The following PTPRT variants were observed in gnomAD, a reference collection of about 807,000 sequenced individuals.
PTPRT encodes receptor-type tyrosine-protein phosphatase T.
PTPRT carries 56 observed loss-of-function variants against 176.8 expected under a neutral mutation model. The ratio of observed to expected loss-of-function variants is 0.32; its 90% CI spans 0.26 to 0.40. The LOEUF (loss-of-function observed/expected upper bound fraction) is 0.40, where lower values mean the gene tolerates loss of function less well. PTPRT is among the 10% of genes least tolerant of loss of function. The pLI, the probability that PTPRT is intolerant of heterozygous loss-of-function variation, is 1.00. For missense variants in PTPRT, 1,540 were observed against 1,908.2 expected (o/e 0.81, Z 3.60); for synonymous variants, 783 against 739.0 (o/e 1.06, Z -0.96).
At chr20:42,377,339 G>A (rs1317288652) in intron 9 of PTPRT, among the ~76,000 whole-genome samples, 1 of 152,166 alleles carries the variant, frequency 6.6e-6, no homozygotes, top group African/African-American at 2.4e-5. Context: ...TTTATTCCTA[G>A]AAGGTAAAGA....
chr20:42,679,776 T>C (rs575670489), intron 6 of PTPRT, among the ~76,000 whole-genome samples: 4 of 152,282 alleles, frequency 2.6e-5, no homozygotes, highest in African/African-American at 9.6e-5. Flanking sequence ...TGCATAACAA[T>C]CCATCAGGTT....
intron 11 of PTPRT, among the ~76,000 whole-genome samples, chr20:42,319,962 G>A (rs538238746): frequency 6.6e-6 from 1 of 151,940 alleles, no homozygotes; most frequent in Non-Finnish European, 1.5e-5. Flanking sequence ...CATGAGAGAA[G>A]AATAACCTAA....
intron 1 of PTPRT, among the ~76,000 whole-genome samples, chr20:43,016,859 A>G (rs568434735): frequency 6.6e-6 from 1 of 151,138 alleles, no homozygotes; most frequent in Admixed American, 6.6e-5. Flanking sequence ...ATCTCCTTTT[A>G]TGTTTCTCTC....
chr20:42,708,824 T>C (rs1390792358), intron 6 of PTPRT, among the ~76,000 whole-genome samples: 2 of 152,222 alleles, frequency 1.3e-5, no homozygotes, highest in Non-Finnish European at 1.5e-5. Flanking sequence ...AGTTTCAGTT[T>C]TACAACACCT....
chr20:42,596,338 CT>C lies in PTPRT; in HGVS notation c.1153+81527del, dbSNP rs547056144. ...TATCTCCTGGCTCAGATCCCTCCAT[CT>C]TTGCAGTTCCTAACGTATTAATAGT... On this transcript the variant is annotated intron_variant, in intron 7 of 30. Transcript: ENST00000373187. Among the ~76,000 whole-genome samples, 31 of 152,350 alleles carry C rather than the reference CT, an allele frequency of 2.0e-4. No individual in the cohort carries two copies. In the South Asian group the frequency reaches 5.8e-3, roughly 28 times the overall value.
At chr20:42,953,568 C>CA (rs1981402225) in intron 1 of PTPRT, among the ~76,000 whole-genome samples, 1 of 152,138 alleles carries the variant, frequency 6.6e-6, no homozygotes, top group Admixed American at 6.5e-5. Flanking sequence ...TTCTCACTTC[C>CA]ACCTGCAGTT....
chr20:42,206,521 G>C (rs1342505452), intron 15 of PTPRT, among the ~76,000 whole-genome samples: 1 of 152,174 alleles, frequency 6.6e-6, no homozygotes, highest in East Asian at 1.9e-4. Flanking sequence ...AAGGGGTGAC[G>C]GACGGCACCT....
intron 2 of PTPRT, among the ~76,000 whole-genome samples, chr20:42,820,797 A>C (rs1446021918): frequency 6.6e-6 from 1 of 152,202 alleles, no homozygotes; most frequent in African/African-American, 2.4e-5. Context: ...TCACGTAAAT[A>C]AACTAGAAAA....
chr20:42,578,305 A>T (rs566923440), intron 7 of PTPRT, among the ~76,000 whole-genome samples: 46 of 152,250 alleles, frequency 3.0e-4, no homozygotes, highest in African/African-American at 9.9e-4. Flanking sequence ...AGTGCAGGGT[A>T]AATGGAGAAA....
chr20:42,623,822 A>G (rs2074242822), intron 7 of PTPRT, among the ~76,000 whole-genome samples: 2 of 151,556 alleles, frequency 1.3e-5, no homozygotes, highest in African/African-American at 2.4e-5. Context: ...CTCTTCTCTC[A>G]GGCTAACCTT....
intron 13 of PTPRT, among the ~76,000 whole-genome samples, chr20:42,272,352 T>C (rs6065453): frequency 0.17 from 25,283 of 152,104 alleles, 2,290 homozygotes; most frequent in Non-Finnish European, 0.19. Context: ...ATTTACTATC[T>C]GTCCTTTTAC....
chr20:42,188,839 G>A (rs1311145310), intron 16 of PTPRT, among the ~76,000 whole-genome samples: 2 of 152,204 alleles, frequency 1.3e-5, no homozygotes, highest in Non-Finnish European at 2.9e-5. Context: ...CTTCAGCCTT[G>A]TAACTTTACT....
chr20:42,169,743 AACACACACAC>A (rs56329932), intron 16 of PTPRT, among the ~76,000 whole-genome samples: 40 of 104,630 alleles, frequency 3.8e-4, no homozygotes, highest in South Asian at 3.8e-3. Flanking sequence ...ACAATTTTCA[AACACACACAC>A]ACACACACAC....
At chr20:42,342,308 C>T (rs2058123675) in intron 11 of PTPRT, among the ~76,000 whole-genome samples, 1 of 152,170 alleles carries the variant, frequency 6.6e-6, no homozygotes, top group African/African-American at 2.4e-5. Flanking sequence ...TCTGGCTTCT[C>T]CTATTTCCCA....
At chr20:43,061,073 TG>T (rs1173969119) in intron 1 of PTPRT, among the ~76,000 whole-genome samples, 8 of 144,782 alleles carry the variant, frequency 5.5e-5, no homozygotes, top group African/African-American at 2.0e-4. Context: ...GGTGAGTGGA[TG>T]GGCGGATAAA....
intron 1 of PTPRT, among the ~76,000 whole-genome samples, chr20:43,067,297 G>A (rs1321679693): frequency 1.3e-5 from 2 of 152,088 alleles, no homozygotes; most frequent in African/African-American, 2.4e-5. Context: ...GAACGCAGAC[G>A]GGTGGTTGCC....
chr20:42,627,619 G>A (rs982897891), intron 7 of PTPRT, among the ~76,000 whole-genome samples: 7 of 152,050 alleles, frequency 4.6e-5, no homozygotes, highest in South Asian at 2.1e-4. Flanking sequence ...GGCAAAAACG[G>A]TCCTTTTACC....
At chr20:42,033,512 C>G in the PTPRT span, among the ~76,000 whole-genome samples, 1 of 152,064 alleles carries the variant, frequency 6.6e-6, no homozygotes. Context: ...AAAATGGAGT[C>G]TGAGGTGGAT....
intron 15 of PTPRT, among the ~76,000 whole-genome samples, chr20:42,210,165 T>C (rs1322886231): frequency 1.3e-5 from 2 of 152,194 alleles, no homozygotes; most frequent in African/African-American, 4.8e-5. Context: ...ATAAGAGCTA[T>C]CTATGACAAA....
Sources: gnomAD v4.1 joint callset for allele counts (sites outside exome capture counted in the v4.1 genomes callset) on GRCh38, gnomAD v4.1.1 for gene constraint, MANE v1.5 for transcripts, NCBI Gene and HGNC (gene_info 2026-07-23, HGNC 2026-07-21) for gene names.